Variants in CAMK2A observed in about 807,000 individuals in gnomAD.
The protein encoded by CAMK2A is calcium/calmodulin-dependent protein kinase type II subunit alpha.
Under a neutral mutation model 79.2 loss-of-function variants are expected in CAMK2A, and 7 were observed. The observed-to-expected ratio is 0.09, with a 90% CI of 0.05 to 0.17. The LOEUF is 0.17. Ranked by LOEUF, CAMK2A falls within the 10% of genes least tolerant of loss-of-function variation. CAMK2A has a pLI of 1.00. For synonymous variants in CAMK2A, 242 were observed against 251.7 expected (o/e 0.96, Z 0.36); for missense variants, 214 against 646.4 (o/e 0.33, Z 7.25).
At chr5:150,226,537 G>A (rs1754603681) in intron 17 of CAMK2A, among the ~76,000 whole-genome samples, 1 of 151,936 alleles carries the variant, frequency 6.6e-6, no homozygotes, top group African/African-American at 2.4e-5. Flanking sequence ...TGGAGCTTGA[G>A]ACCAGCCTGG....
At chr5:150,251,607 G>A (rs1463525485) in intron 9 of CAMK2A, 143 bp downstream of exon 9, 15 of 560,636 alleles carry the variant, frequency 2.7e-5, no homozygotes, top group Non-Finnish European at 4.3e-5. Context: ...ATTAGGCACA[G>A]CATGGTAACC....
intron 2 of CAMK2A, among the ~76,000 whole-genome samples, chr5:150,267,394 T>C (rs1220121297): frequency 1.3e-5 from 2 of 152,212 alleles, no homozygotes; most frequent in Non-Finnish European, 2.9e-5. Context: ...AAATCCAGAA[T>C]GTTGCTGTTT....
intron 15 of CAMK2A, among the ~76,000 whole-genome samples, chr5:150,232,205 C>G (rs10476932): frequency 0.07 from 10,616 of 152,264 alleles, 1,201 homozygotes; most frequent in African/African-American, 0.24. Flanking sequence ...AAATGACTGT[C>G]CAGGTCCTCA....
intron 17 of CAMK2A, among the ~76,000 whole-genome samples, chr5:150,227,552 AAG>A (rs1754659649): frequency 6.6e-6 from 1 of 152,106 alleles, no homozygotes; most frequent in East Asian, 1.9e-4. Flanking sequence ...GGCCTAGGGA[AAG>A]ACAGACACAG....
intron 10 of CAMK2A, among the ~76,000 whole-genome samples, 186 bp from the exon 11 acceptor site, chr5:150,250,495 A>T (rs1031582641): frequency 2.0e-5 from 3 of 152,182 alleles, no homozygotes; most frequent in Non-Finnish European, 2.9e-5. Context: ...TGCCAGTAGC[A>T]CCATCAGTTG....
chr5:150,251,157 C>A (rs1393970059), intron 9 of CAMK2A, among the ~76,000 whole-genome samples: 1 of 152,230 alleles, frequency 6.6e-6, no homozygotes. Context: ...GTCACATGAC[C>A]TCTTGAGCTA....
intron 15 of CAMK2A, among the ~76,000 whole-genome samples, chr5:150,234,674 T>C (rs1277685310): frequency 6.6e-6 from 1 of 152,166 alleles, no homozygotes; most frequent in Non-Finnish European, 1.5e-5. Context: ...AATCTCTGAA[T>C]TGGAACTTCC....
At chr5:150,245,553 C>T (rs768824596) in intron 12 of CAMK2A, among the ~76,000 whole-genome samples, 3 of 152,184 alleles carry the variant, frequency 2.0e-5, no homozygotes, top group Non-Finnish European at 4.4e-5. Flanking sequence ...GTGGCCAACC[C>T]GAGGTCTGGC....
chr5:150,241,287 G>A (rs1755322925), intron 13 of CAMK2A, among the ~76,000 whole-genome samples: 1 of 152,090 alleles, frequency 6.6e-6, no homozygotes, highest in African/African-American at 2.4e-5. Context: ...TCATCAGCCT[G>A]CAGTCAGCCC....
chr5:150,228,510 A>G (rs1422588715), intron 16 of CAMK2A, among the ~76,000 whole-genome samples: 2 of 152,196 alleles, frequency 1.3e-5, no homozygotes, highest in African/African-American at 2.4e-5. Context: ...GGCTCTGCCA[A>G]TGGCTGTGAG....
At chr5:150,230,769 C>A (rs184962675) in intron 16 of CAMK2A, among the ~76,000 whole-genome samples, 1 of 152,352 alleles carries the variant, frequency 6.6e-6, no homozygotes, top group Admixed American at 6.5e-5. Flanking sequence ...TATTTTTGTG[C>A]AAGCTGCCTT....
At chr5:150,230,346 A>AAAAAAAAG (rs1395064777) in intron 16 of CAMK2A, among the ~76,000 whole-genome samples, 2 of 151,346 alleles carry the variant, frequency 1.3e-5, no homozygotes, top group East Asian at 3.9e-4. Flanking sequence ...AAAAAGGGAA[A>AAAAAAAAG]AAAAAAAGAA....
At chr5:150,235,603 CG>C (rs1755023099) in intron 15 of CAMK2A, among the ~76,000 whole-genome samples, 1 of 152,136 alleles carries the variant, frequency 6.6e-6, no homozygotes, top group Non-Finnish European at 1.5e-5. Context: ...TTTCAAGGAG[CG>C]AATCAGGAGG....
Position 150,289,596 on chromosome 5 carries a change from C to T in CAMK2A, c.30G>A (p.Thr10=), listed in dbSNP as rs760847773. The change falls in exon 1 of 19, where the codon ACG becomes ACA. Residue 10 remains threonine (T), a synonymous_variant. Coordinates refer to ENST00000671881, the MANE Select transcript of CAMK2A (RefSeq NM_015981.4). The part of the protein sequence containing the change: MATITCTRF[T]EEYQLFEELG... ...ATTCCTCGAAGAGCTGGTACTCTTC[C>T]GTGAAGCGGGTGCAGGTGATGGTGG... is the stretch of plus-strand genomic sequence containing the variant. The T allele has an allele frequency of 2.4e-5, 39 of 1,613,934 alleles. No individual in the cohort carries two copies. Among genetic ancestry groups the T allele is most frequent in the Middle Eastern group, 1.6e-4 (1 of 6,082 alleles).
At chr5:150,288,272 C>A (rs1006732800) in intron 1 of CAMK2A, among the ~76,000 whole-genome samples, 3 of 152,140 alleles carry the variant, frequency 2.0e-5, no homozygotes, top group African/African-American at 4.8e-5. Context: ...TATGTGCACA[C>A]AGCTCTAACC....
At chr5:150,249,912 C>T (rs1431105431) in intron 11 of CAMK2A, among the ~76,000 whole-genome samples, 4 of 152,154 alleles carry the variant, frequency 2.6e-5, no homozygotes, top group South Asian at 4.1e-4. Flanking sequence ...TCAGCTTAAA[C>T]GCCCCTGGCT....
intron 13 of CAMK2A, among the ~76,000 whole-genome samples, chr5:150,241,295 C>A (rs1200873524): frequency 1.3e-5 from 2 of 152,164 alleles, no homozygotes; most frequent in South Asian, 4.1e-4. Context: ...CTGCAGTCAG[C>A]CCCTCATCTC....
intron 2 of CAMK2A, among the ~76,000 whole-genome samples, chr5:150,269,600 C>G (rs1756651719): frequency 1.3e-5 from 2 of 152,014 alleles, no homozygotes; most frequent in African/African-American, 4.8e-5. Context: ...GTGATCCTCC[C>G]AACTTGGCCT....
At chr5:150,285,710 A>G (rs2150312640) in intron 1 of CAMK2A, among the ~76,000 whole-genome samples, 1 of 152,244 alleles carries the variant, frequency 6.6e-6, no homozygotes, top group African/African-American at 2.4e-5. Flanking sequence ...AGTCAATTTC[A>G]GATCTCTGTT....
Sources: gnomAD v4.1 joint callset for allele counts (sites outside exome capture counted in the v4.1 genomes callset) on GRCh38, gnomAD v4.1.1 for gene constraint, MANE v1.5 for transcripts, NCBI Gene and HGNC (gene_info 2026-07-23, HGNC 2026-07-21) for gene names.